The following MIB1 variants were observed in gnomAD, a reference collection of about 807,000 sequenced individuals.
The protein encoded by MIB1 is E3 ubiquitin-protein ligase MIB1.
In MIB1, 278 loss-of-function variants were observed where a neutral mutation model predicts 124.5. The ratio of observed to expected loss-of-function variants is 2.23; its 90% CI spans 2.02 to 2.47. MIB1 has a LOEUF of 2.47. Ranked by LOEUF, MIB1 falls within the 30% of genes most tolerant of loss-of-function variation. The pLI is 0.00. For missense variants in MIB1, 957 were observed against 1,254.4 expected, an observed-to-expected ratio of 0.76 and a Z score of 3.58; for synonymous variants, 446 against 429.4, an observed-to-expected ratio of 1.04 and a Z score of -0.48.
At chr18:21,761,381 A>G (rs1309701949) in intron 1 of MIB1, among the ~76,000 whole-genome samples, 4 of 152,194 alleles carry the variant, frequency 2.6e-5, no homozygotes, top group African/African-American at 9.7e-5. Flanking sequence ...AATCCATTTA[A>G]TTAGTTTTTT....
intron 18 of MIB1, among the ~76,000 whole-genome samples, chr18:21,855,996 C>T (rs979053727): frequency 2.0e-5 from 3 of 150,714 alleles, no homozygotes; most frequent in South Asian, 4.2e-4. Context: ...TTTGGGAGGC[C>T]GAAGCGGGTG....
At chr18:21,793,262 G>T (rs1423674382) in intron 7 of MIB1, among the ~76,000 whole-genome samples, 6 of 152,212 alleles carry the variant, frequency 3.9e-5, no homozygotes, top group Non-Finnish European at 7.3e-5. Context: ...TGGAACTAGT[G>T]TGGGCCTTTA....
At chr18:21,792,339 C>G (rs1000714615) in intron 7 of MIB1, among the ~76,000 whole-genome samples, 1 of 152,048 alleles carries the variant, frequency 6.6e-6, no homozygotes, top group African/African-American at 2.4e-5. Flanking sequence ...TCTCACATCC[C>G]TCTTAGTATC....
At chr18:21,760,854 A>G (rs1322246845) in intron 1 of MIB1, among the ~76,000 whole-genome samples, 3 of 152,240 alleles carry the variant, frequency 2.0e-5, no homozygotes, top group Non-Finnish European at 2.9e-5. Context: ...TTAATTCAGG[A>G]TAAACTTCTA....
At chr18:21,722,853 C>A (rs1006457021) in intron 1 of MIB1, among the ~76,000 whole-genome samples, 1 of 152,082 alleles carries the variant, frequency 6.6e-6, no homozygotes, top group Non-Finnish European at 1.5e-5. Context: ...TACCTAATAG[C>A]CACATGACAT....
chr18:21,729,118 C>T (rs2040756083), intron 1 of MIB1, among the ~76,000 whole-genome samples: 1 of 152,360 alleles, frequency 6.6e-6, no homozygotes, highest in Non-Finnish European at 1.5e-5. Flanking sequence ...CTATCTCAGA[C>T]AGCCCACTCA....
In MIB1 at chr18:21,811,796, G is replaced by A. The variant is rs112438213; in HGVS notation, c.1480-3820G>A. Reference sequence around the variant, plus strand: ...CAAGATGAAAAAAGTTCTAGAGATGGATGGTGGTGATGGTTGCACAGTGAT... The same window carrying A: ...CAAGATGAAAAAAGTTCTAGAGATGAATGGTGGTGATGGTTGCACAGTGAT... On this transcript the variant is annotated intron_variant, in intron 10 of 20. Coordinates refer to ENST00000261537, the MANE Select transcript of MIB1 (RefSeq NM_020774.4). 3.8e-3 allele frequency among the ~76,000 whole-genome samples: 574 copies of A among 152,140 alleles called. 1 individual carries two copies. The highest frequency in any genetic ancestry group is 6.2e-3 in the South Asian group (30 of 4,804).
chr18:21,748,035 A>G, intron 1 of MIB1, among the ~76,000 whole-genome samples: 1 of 152,364 alleles, frequency 6.6e-6, no homozygotes, highest in Admixed American at 6.5e-5. Flanking sequence ...CAGAGATTAG[A>G]TAGATATTAT....
At chr18:21,768,972 C>T (rs2041196222) in intron 3 of MIB1, among the ~76,000 whole-genome samples, 2 of 152,122 alleles carry the variant, frequency 1.3e-5, no homozygotes, top group South Asian at 4.1e-4. Context: ...TACCTTCCCA[C>T]CTTCAGGTTT....
intron 3 of MIB1, among the ~76,000 whole-genome samples, chr18:21,771,966 C>T (rs754323882): frequency 9.9e-5 from 15 of 152,040 alleles, no homozygotes; most frequent in South Asian, 2.1e-4. Flanking sequence ...TGCCATTGCA[C>T]TCCAGCCTGG....
chr18:21,828,973 GCT>G (rs1237416602), intron 12 of MIB1: 1 of 465,752 alleles, frequency 2.1e-6, no homozygotes, highest in East Asian at 6.9e-5. Context: ...GCTTCTTTTA[GCT>G]CAGTTTAATT....
intron 1 of MIB1, among the ~76,000 whole-genome samples, chr18:21,706,030 C>T (rs1213605865): frequency 6.6e-6 from 1 of 152,196 alleles, no homozygotes; most frequent in Non-Finnish European, 1.5e-5. Flanking sequence ...CAGCCTTCTG[C>T]ACTACCTACC....
intron 12 of MIB1, chr18:21,825,652 A>G (rs1598629271): frequency 1.9e-6 from 1 of 512,874 alleles, no homozygotes; most frequent in Non-Finnish European, 4.0e-6. Context: ...ATTAGTTGGC[A>G]AGTAATTGAT....
chr18:21,859,359 C>T, intron 20 of MIB1, among the ~76,000 whole-genome samples: 1 of 149,728 alleles, frequency 6.7e-6, no homozygotes, highest in Non-Finnish European at 1.5e-5. Flanking sequence ...CGCCATTGCA[C>T]TCCAGCCTGG....
intron 10 of MIB1, among the ~76,000 whole-genome samples, chr18:21,810,730 A>G (rs2041763460): frequency 6.6e-6 from 1 of 151,830 alleles, no homozygotes; most frequent in Non-Finnish European, 1.5e-5. Flanking sequence ...TACAAAAATA[A>G]ATTCAAAATA....
At chr18:21,707,716 G>T (rs1431612668) in intron 1 of MIB1, among the ~76,000 whole-genome samples, 1 of 152,188 alleles carries the variant, frequency 6.6e-6, no homozygotes, top group Non-Finnish European at 1.5e-5. Flanking sequence ...CTTGAAGTCA[G>T]TGAGACCAAG....
At chr18:21,828,670 T>G in intron 12 of MIB1, 1 of 179,384 alleles carries the variant, frequency 5.6e-6, no homozygotes, top group Non-Finnish European at 1.2e-5. Flanking sequence ...CTCATTCTTT[T>G]GTGCTAGTAA....
intron 3 of MIB1, among the ~76,000 whole-genome samples, chr18:21,768,973 C>T (rs1260692674): frequency 6.6e-6 from 1 of 152,128 alleles, no homozygotes; most frequent in East Asian, 1.9e-4. Flanking sequence ...ACCTTCCCAC[C>T]TTCAGGTTTC....
rs1598645488 is a variant in MIB1, at chr18:21,857,147, A to T, written c.2683A>T (p.Lys895Ter). 6.2e-7 allele frequency: 1 copy of T among 1,613,552 alleles called. No homozygotes were observed. The highest frequency in any genetic ancestry group is 8.5e-7 in the Non-Finnish European group (1 of 1,179,460). Residue 895 changes from lysine to a stop codon, truncating the protein, a stop_gained, in exon 19 of 21, where the codon AAA becomes TAA. Coordinates refer to ENST00000261537, the MANE Select transcript of MIB1 (RefSeq NM_020774.4). LOFTEE classifies it high-confidence loss of function. ...CACENCANLM[K>*]KCVQCRAVVE... ...TTTTCCAGACTGTGCTAACCTGATG[A>T]AAAAGTGTGTGCAGTGTCGAGCAGT...
Sources: allele counts gnomAD v4.1 joint callset (sites outside exome capture counted in the v4.1 genomes callset), GRCh38; gene constraint gnomAD v4.1.1; transcripts MANE v1.5; gene names NCBI Gene and HGNC (gene_info 2026-07-23, HGNC 2026-07-21).